Variants in RAMP1 observed in about 807,000 individuals in gnomAD.
RAMP1 encodes receptor activity modifying protein 1.
Under a neutral mutation model 8.2 loss-of-function variants are expected in RAMP1, and 7 were observed. The observed-to-expected ratio is 0.85, with a 90% confidence interval of 0.49 to 1.60. The LOEUF (loss-of-function observed/expected upper bound fraction) is 1.60, where lower values mean the gene tolerates loss of function less well. Ranked by LOEUF, RAMP1 falls within the 40% of genes most tolerant of loss-of-function variation. The pLI is 0.00. For missense variants in RAMP1, 192 were observed against 202.4 expected, an observed-to-expected ratio of 0.95 and a Z score of 0.31; for synonymous variants, 92 against 84.7, an observed-to-expected ratio of 1.09 and a Z score of -0.47.
In RAMP1 at chr2:237,901,822, A is replaced by G. The variant is rs557249771; in HGVS notation, c.192-9706A>G. Among the ~76,000 whole-genome samples, 56 of 149,612 alleles carry G rather than the reference A, an allele frequency of 3.7e-4. 1 individual carries two copies. The highest frequency in any genetic ancestry group is 1.4e-3 in the African/African-American group (56 of 40,584). ...TGGCTGCCCCTGACTAAACTGGGGG[A>G]GGCAGAAGAAGGGGTAGATAGATGC... On this transcript the variant is annotated intron_variant, in intron 2 of 2. Coordinates refer to ENST00000254661, the MANE Select transcript of RAMP1 (RefSeq NM_005855.4).
rs550753952 is a variant in RAMP1, at chr2:237,862,716, C to G, written c.52+2989C>G. ...CCAGTGCCCCCACCCCCAACTCAGG[C>G]CTAGAACCCCTCTTTCCTGACGGTC... On this transcript the variant is annotated intron_variant, in intron 1 of 2. Coordinates refer to ENST00000254661, the MANE Select transcript of RAMP1 (RefSeq NM_005855.4). The surrounding 1 kb of genome is among the most constrained non-coding windows in gnomAD (Gnocchi z 4.0). Among the ~76,000 whole-genome samples, 3 of 152,286 alleles carry G rather than the reference C, an allele frequency of 2.0e-5. No individual in the cohort carries two copies. Among genetic ancestry groups the G allele is most frequent in the African/African-American group, 7.2e-5 (3 of 41,550 alleles).
At chr2:237,894,031 G>A (rs1213812062) in intron 2 of RAMP1, among the ~76,000 whole-genome samples, 11 of 142,758 alleles carry the variant, frequency 7.7e-5, no homozygotes, top group East Asian at 4.2e-4. Flanking sequence ...GTGCAGTGGC[G>A]TGATCTCAGC....
At chr2:237,889,865 A>G (rs901177308) in intron 2 of RAMP1, among the ~76,000 whole-genome samples, 1 of 152,114 alleles carries the variant, frequency 6.6e-6, no homozygotes, top group African/African-American at 2.4e-5. Flanking sequence ...GGCTAACGCA[A>G]TCCTCCTGCC....
At chr2:237,864,016 C>T (rs990156702) in intron 1 of RAMP1, among the ~76,000 whole-genome samples, 2 of 152,164 alleles carry the variant, frequency 1.3e-5, no homozygotes, top group African/African-American at 4.8e-5. Flanking sequence ...CCCAGCAGAC[C>T]CTCAGGGTAC....
chr2:237,902,977 G>A (rs1185824200), intron 2 of RAMP1, among the ~76,000 whole-genome samples: 4 of 152,276 alleles, frequency 2.6e-5, no homozygotes, highest in East Asian at 3.9e-4. Context: ...CCCCAATCCA[G>A]GCTGTTTATG....
Position 237,862,479 on chromosome 2 carries a change from G to C in RAMP1, c.52+2752G>C, listed in dbSNP as rs1351063273. Among the ~76,000 whole-genome samples, 1 of 152,198 alleles carries C rather than the reference G, an allele frequency of 6.6e-6. No individual in the cohort carries two copies. Among genetic ancestry groups the C allele is most frequent in the Admixed American group, 6.5e-5 (1 of 15,280 alleles). ...AGTGCAAATGGTAGATTCAGCTCCG[G>C]GAAATGTTTTAGGTGGAATCTTTAG... is the stretch of plus-strand genomic sequence containing the variant. On this transcript the variant is annotated intron_variant, in intron 1 of 2. Transcript: ENST00000254661. This position sits in a 1 kb window ranked among gnomAD's most constrained non-coding sequence, Gnocchi z 4.0.
Position 237,912,016 on chromosome 2 carries a change from C to A in RAMP1, c.*233C>A. ...GAAGGGGGCAGGGACGTGACCTTGACTTACCTCTGGAAAGGGTCCCAGCCT... is the reference window on the plus strand; with the variant it reads ...GAAGGGGGCAGGGACGTGACCTTGAATTACCTCTGGAAAGGGTCCCAGCCT... On this transcript the variant is annotated 3_prime_UTR_variant, in exon 3 of 3. Coordinates refer to ENST00000254661, the MANE Select transcript of RAMP1 (RefSeq NM_005855.4). 1 of 650,698 alleles carries A rather than the reference C, an allele frequency of 1.5e-6. No individual in the cohort carries two copies. The highest frequency in any genetic ancestry group is 2.6e-6 in the Non-Finnish European group (1 of 388,940). 40.3% of individuals were successfully genotyped at this position (650,698 alleles called of 1,614,324 possible).
chr2:237,897,339 T>G (rs1040376750), intron 2 of RAMP1, among the ~76,000 whole-genome samples: 3 of 152,204 alleles, frequency 2.0e-5, no homozygotes, highest in African/African-American at 7.2e-5. Flanking sequence ...CTGCCTTCCC[T>G]GCTCAACGTG....
chr2:237,879,804 A>G (rs2062348144), intron 2 of RAMP1, among the ~76,000 whole-genome samples: 1 of 150,148 alleles, frequency 6.7e-6, no homozygotes, highest in Non-Finnish European at 1.5e-5. Flanking sequence ...AGCCTAGCCA[A>G]CATGGTGAAA....
chr2:237,877,211 G>C lies in RAMP1; in HGVS notation c.53-13G>C, dbSNP rs199917306. 8 of 1,613,618 alleles carry C rather than the reference G, an allele frequency of 5.0e-6. No homozygotes were observed. The East Asian group carries it at 1.6e-4, about 31-fold the overall frequency. On this transcript the variant is annotated splice_polypyrimidine_tract_variant and intron_variant, in intron 1 of 2. Transcript: ENST00000254661. This position sits in a 1 kb window ranked among gnomAD's most constrained non-coding sequence, Gnocchi z 4.4. Reference sequence around the variant, plus strand: ...TGCCGCCCGCCATCTCTTCATGGCCGTGTCTATTTCAGCCCATCACCTCTT... The same window carrying C: ...TGCCGCCCGCCATCTCTTCATGGCCCTGTCTATTTCAGCCCATCACCTCTT...
At chr2:237,859,820 G>C (rs1175147661) in intron 1 of RAMP1, 93 bp downstream of exon 1, 3 of 651,036 alleles carry the variant, frequency 4.6e-6, no homozygotes, top group Non-Finnish European at 6.8e-6. Flanking sequence ...GAGCGGGTGG[G>C]AGCGGGTGGG....
chr2:237,865,313 CAGGGGAGAAGAGAGGAGGGG>C lies in RAMP1; in HGVS notation c.52+5594_52+5613del, dbSNP rs2062176828. Among the ~76,000 whole-genome samples, 1 of 66,982 alleles carries C rather than the reference CAGGGGAGAAGAGAGGAGGGG, an allele frequency of 1.5e-5. No homozygotes were observed. The highest frequency in any genetic ancestry group is 5.1e-4 in the South Asian group (1 of 1,948). The allele number at this position is 66,982 out of a possible 152,430, so 43.9% of individuals were successfully genotyped here. A position where few individuals can be genotyped will look rare whatever the true frequency, so the allele number is the denominator to read the frequency against. On this transcript the variant is annotated intron_variant, in intron 1 of 2. Coordinates refer to ENST00000254661, the MANE Select transcript of RAMP1 (RefSeq NM_005855.4). The surrounding 1 kb of genome is among the most constrained non-coding windows in gnomAD (Gnocchi z 4.2). The stretch of plus-strand genomic sequence containing the variant: ...CAGGGGAGAGGAGAGGAGGGGAGGG[CAGGGGAGAAGAGAGGAGGGG>C]AGGGGAGGGCAGGGGAGTAGAGAGG...
rs1274292824 is a variant in RAMP1 at position 237,865,260 on chromosome 2, GA to G, written c.52+5535del. Among the ~76,000 whole-genome samples, 1 of 140,260 alleles carries G rather than the reference GA, an allele frequency of 7.1e-6. No homozygotes were observed. The highest frequency in any genetic ancestry group is 1.5e-5 in the Non-Finnish European group (1 of 64,846). The allele number at this position is 140,260 out of a possible 152,430, so 92.0% of individuals were successfully genotyped here. On this transcript the variant is annotated intron_variant, in intron 1 of 2. Transcript: ENST00000254661. This position sits in a 1 kb window ranked among gnomAD's most constrained non-coding sequence, Gnocchi z 4.2. ...GGAGTAGGGAGGGCAGGGCAGGGGA[GA>G]AGAGAGGAGAGGAGGGGAGGGGAGA...
chr2:237,897,781 G>GA lies in RAMP1; in HGVS notation c.192-13747_192-13746insA, dbSNP rs909630161. On this transcript the variant is annotated intron_variant, in intron 2 of 2. Coordinates refer to ENST00000254661, the MANE Select transcript of RAMP1 (RefSeq NM_005855.4). ...TTTTTGTTTGTTTTGGTTTTTTGGGGGGGGGTTTTGTTTTTTGTTTGTTTG... is the reference window on the plus strand; with the variant it reads ...TTTTTGTTTGTTTTGGTTTTTTGGGGAGGGGGTTTTGTTTTTTGTTTGTTTG... Among the ~76,000 whole-genome samples, 119 of 146,642 alleles carry GA rather than the reference G, an allele frequency of 8.1e-4. 1 individual carries two copies. Among genetic ancestry groups the GA allele is most frequent in the African/African-American group, 2.6e-3 (106 of 40,246 alleles).
chr2:237,875,325 C>A (rs1290925117), intron 1 of RAMP1, among the ~76,000 whole-genome samples: 1 of 152,156 alleles, frequency 6.6e-6, no homozygotes, highest in Non-Finnish European at 1.5e-5. Flanking sequence ...GGGGACACAC[C>A]TGTGCTGTCG....
At chr2:237,898,085 C>A (rs1237639452) in intron 2 of RAMP1, among the ~76,000 whole-genome samples, 1 of 152,204 alleles carries the variant, frequency 6.6e-6, no homozygotes, top group Non-Finnish European at 1.5e-5. Context: ...AGGCGGGAAC[C>A]ACTGTGCCTG....
At chr2:237,866,545 A>G (rs185804658) in intron 1 of RAMP1, among the ~76,000 whole-genome samples, 23 of 152,160 alleles carry the variant, frequency 1.5e-4, no homozygotes, top group Admixed American at 9.2e-4. Flanking sequence ...CGATGGCAAT[A>G]CAAGTGACCC....
At chr2:237,875,998 C>CT (rs2062299163) in intron 1 of RAMP1, among the ~76,000 whole-genome samples, 1 of 152,218 alleles carries the variant, frequency 6.6e-6, no homozygotes. Flanking sequence ...GCCATGGGAC[C>CT]TGGGGCCGAG....
At chr2:237,902,292 GGGA>G (rs1265907530) in intron 2 of RAMP1, among the ~76,000 whole-genome samples, 38 of 143,976 alleles carry the variant, frequency 2.6e-4, no homozygotes, top group Admixed American at 4.2e-4. Context: ...AGGAGGGATC[GGGA>G]GGAGGAGGAG....
Sources: gnomAD v4.1 joint callset for allele counts (sites outside exome capture counted in the v4.1 genomes callset) on GRCh38, gnomAD v4.1.1 for gene constraint, Gnocchi (gnomAD v3.1) non-coding constraint, MANE v1.5 for transcripts, NCBI Gene and HGNC (gene_info 2026-07-23, HGNC 2026-07-21) for gene names.